Variants in KALRN observed in about 807,000 individuals in gnomAD.
KALRN encodes the protein kalirin RhoGEF kinase.
KALRN carries 70 observed loss-of-function variants against 353.7 expected under a neutral mutation model. The ratio of observed to expected loss-of-function variants is 0.20; its 90% CI spans 0.16 to 0.24. KALRN has a LOEUF of 0.24. KALRN is among the 10% of genes least tolerant of loss of function. The pLI is 1.00. For missense variants in KALRN, 2,791 were observed against 3,756.7 expected, an observed-to-expected ratio of 0.74 and a Z score of 6.72; for synonymous variants, 1,391 against 1,434.8, an observed-to-expected ratio of 0.97 and a Z score of 0.69.
At chr3:124,206,446 G>T (rs1560229087) in intron 1 of KALRN, among the ~76,000 whole-genome samples, 1 of 152,240 alleles carries the variant, frequency 6.6e-6, no homozygotes, top group Non-Finnish European at 1.5e-5. Context: ...GTTGGGAAAT[G>T]TAACAGTCGT....
chr3:124,146,874 CAAAA>C (rs34633708), intron 1 of KALRN, among the ~76,000 whole-genome samples: 1 of 49,924 alleles, frequency 2.0e-5, no homozygotes, highest in African/African-American at 7.9e-5. Flanking sequence ...GACTCTGTCT[CAAAA>C]AAAAAAAAAA....
chr3:124,109,711 T>C (rs13059814), intron 1 of KALRN, among the ~76,000 whole-genome samples: 30,064 of 72,796 alleles, frequency 0.41, 8,070 homozygotes, highest in Non-Finnish European at 0.64. Flanking sequence ...TTGATATATA[T>C]ATGACATATA....
chr3:124,421,742 T>G (rs1265323122), intron 14 of KALRN, among the ~76,000 whole-genome samples: 2 of 152,198 alleles, frequency 1.3e-5, no homozygotes, highest in African/African-American at 4.8e-5. Context: ...AGTTCGTTCA[T>G]TTCTGAGGCA....
chr3:124,209,362 T>A (rs2076700767), intron 1 of KALRN, among the ~76,000 whole-genome samples: 1 of 151,554 alleles, frequency 6.6e-6, no homozygotes. Flanking sequence ...AAAAATCAGC[T>A]GGGTGGTGGT....
At chr3:124,273,084 T>C (rs1048847934) in intron 5 of KALRN, among the ~76,000 whole-genome samples, 3 of 152,252 alleles carry the variant, frequency 2.0e-5, no homozygotes, top group Non-Finnish European at 2.9e-5. Flanking sequence ...GTCTCGCCCC[T>C]GGCCTTGCAG....
chr3:124,080,106 A>G, intron 1 of KALRN: 1 of 470,652 alleles, frequency 2.1e-6, no homozygotes, highest in Non-Finnish European at 4.4e-6. Flanking sequence ...AGTGAACTCT[A>G]GTACTTGCAG....
intron 14 of KALRN, among the ~76,000 whole-genome samples, chr3:124,416,257 G>A (rs910069258): frequency 3.3e-5 from 5 of 152,210 alleles, no homozygotes; most frequent in African/African-American, 7.2e-5. Context: ...GCAAGCCAAC[G>A]TCTGTCCCAA....
intron 5 of KALRN, among the ~76,000 whole-genome samples, chr3:124,278,595 C>T (rs1311411260): frequency 6.6e-6 from 1 of 151,736 alleles, no homozygotes; most frequent in African/African-American, 2.4e-5. Flanking sequence ...TCTACTCTTA[C>T]CCTAGGCCTT....
chr3:124,224,019 A>G (rs1403263537), intron 1 of KALRN, among the ~76,000 whole-genome samples: 1 of 152,186 alleles, frequency 6.6e-6, no homozygotes, highest in Admixed American at 6.5e-5. Flanking sequence ...GCAGGCTTGT[A>G]ATTCTGACAG....
intron 25 of KALRN, among the ~76,000 whole-genome samples, chr3:124,473,596 G>A (rs569313353): frequency 1.7e-4 from 26 of 152,318 alleles, no homozygotes; most frequent in African/African-American, 5.1e-4. Flanking sequence ...ATAGAGAGCT[G>A]TGTCTTCTTT....
At chr3:124,714,629 C>A (rs1559885354) in intron 58 of KALRN, among the ~76,000 whole-genome samples, 1 of 152,162 alleles carries the variant, frequency 6.6e-6, no homozygotes, top group Non-Finnish European at 1.5e-5. Context: ...TGAGCCCTCG[C>A]TATGCACCAA....
intron 34 of KALRN, among the ~76,000 whole-genome samples, chr3:124,577,240 G>A (rs2074204413): frequency 6.6e-6 from 1 of 151,968 alleles, no homozygotes; most frequent in Non-Finnish European, 1.5e-5. Flanking sequence ...GTGGCTGCAG[G>A]CTGAGCTGGG....
intron 1 of KALRN, among the ~76,000 whole-genome samples, chr3:124,208,569 G>A (rs2076623000): frequency 6.6e-6 from 1 of 152,182 alleles, no homozygotes; most frequent in African/African-American, 2.4e-5. Context: ...AAGATGGTCT[G>A]TTACAGAGGG....
intron 1 of KALRN, among the ~76,000 whole-genome samples, chr3:124,216,414 G>T (rs1010871318): frequency 6.6e-6 from 1 of 152,170 alleles, no homozygotes; most frequent in African/African-American, 2.4e-5. Flanking sequence ...CATAGATCCC[G>T]TTGAAAATCT....
chr3:124,368,693 T>C (rs986999987), intron 10 of KALRN, among the ~76,000 whole-genome samples: 5 of 146,236 alleles, frequency 3.4e-5, no homozygotes, highest in Non-Finnish European at 7.5e-5. Context: ...CTCGGCACTT[T>C]GGGAAGCCAA....
At chr3:124,573,651 G>A (rs140282082) in intron 34 of KALRN, among the ~76,000 whole-genome samples, 109 of 152,116 alleles carry the variant, frequency 7.2e-4, no homozygotes, top group African/African-American at 1.9e-3. Context: ...CTACAAGTGC[G>A]AGCCATTGTG....
rs543242138 is a variant in KALRN, at chr3:124,112,233, G to A, written c.73+78420G>A. 2.0e-5 allele frequency among the ~76,000 whole-genome samples: 3 copies of A among 149,384 alleles called. No individual in the cohort carries two copies. The East Asian group carries it at 6.0e-4, about 30-fold the overall frequency. On this transcript the variant is annotated intron_variant, in intron 1 of 59. Coordinates refer to ENST00000682506, the MANE Select transcript of KALRN (RefSeq NM_001388419.1). ...TATGAGAATCGCTTGAACCCGGGAG[G>A]CAGAGACTGCAGTGAGCCTAGATCA...
chr3:124,586,321 G>A (rs1240240086), intron 34 of KALRN, among the ~76,000 whole-genome samples: 2 of 152,224 alleles, frequency 1.3e-5, no homozygotes, highest in African/African-American at 4.8e-5. Context: ...CCCGCAAAGA[G>A]TTTCTCTGCA....
intron 3 of KALRN, among the ~76,000 whole-genome samples, chr3:124,243,498 C>T (rs1456185141): frequency 6.6e-6 from 1 of 152,148 alleles, no homozygotes; most frequent in Non-Finnish European, 1.5e-5. Context: ...AAGGACCCAC[C>T]CAGCACTGGA....
Sources: gnomAD v4.1 joint callset for allele counts (sites outside exome capture counted in the v4.1 genomes callset) on GRCh38, gnomAD v4.1.1 for gene constraint, MANE v1.5 for transcripts, NCBI Gene and HGNC (gene_info 2026-07-23, HGNC 2026-07-21) for gene names.